Variants in DOCK10 observed in about 807,000 individuals in gnomAD.
DOCK10 encodes dedicator of cytokinesis 10.
Under a neutral mutation model 280.1 loss-of-function variants are expected in DOCK10, and 145 were observed. The observed-to-expected ratio is 0.52, with a 90% CI of 0.45 to 0.59. The LOEUF (loss-of-function observed/expected upper bound fraction) is 0.59, where lower values mean the gene tolerates loss of function less well. DOCK10 is among the 20% of genes least tolerant of loss of function. The probability of loss-of-function intolerance (pLI) is 0.00; values close to 1 mark genes in which losing one functional copy is unlikely to be tolerated. For missense variants in DOCK10, 2,368 were observed against 2,651.7 expected (o/e 0.89, Z 2.35); for synonymous variants, 915 against 942.2 (o/e 0.97, Z 0.53).
At chr2:224,929,011 C>T (rs924018296) in intron 2 of DOCK10, among the ~76,000 whole-genome samples, 4 of 152,216 alleles carry the variant, frequency 2.6e-5, no homozygotes, top group African/African-American at 9.7e-5. Flanking sequence ...TAGCCTGAAA[C>T]ATGCTTTCCC....
intron 39 of DOCK10, 147 bp from the exon 40 acceptor site, chr2:224,802,187 T>C: frequency 1.2e-6 from 1 of 852,466 alleles, no homozygotes. Context: ...TAATTATAGG[T>C]GACATGATGA....
intron 16 of DOCK10, 35 bp from the exon 17 acceptor site, chr2:224,853,157 A>AAAGAAC: frequency 6.6e-7 from 1 of 1,505,664 alleles, no homozygotes; most frequent in Non-Finnish European, 9.0e-7. Flanking sequence ...TTGTCATTTA[A>AAAGAAC]TATGGTTCTT....
chr2:224,896,497 T>C, intron 3 of DOCK10, 120 bp from the exon 4 acceptor site: 1 of 570,298 alleles, frequency 1.8e-6, no homozygotes, highest in Non-Finnish European at 2.9e-6. Flanking sequence ...TCACCTGAGA[T>C]CAGGAGTTCG....
At position 224,823,633 on chromosome 2, in the gene DOCK10, C is replaced by T; in HGVS notation, c.3051G>A (p.Gln1017=). Reference sequence around the variant, plus strand: ...CATTTTGGTAAGATTCAGGAAATCTCTGAGGCCGGGGAAGCTAAGGAAAGA... The same window carrying T: ...CATTTTGGTAAGATTCAGGAAATCTTTGAGGCCGGGGAAGCTAAGGAAAGA... ...DTNKIQLPRP[Q]RFPESYQNEL... Residue 1017 remains glutamine (Q), a synonymous_variant, in exon 28 of 56, where the codon CAG becomes CAA. Coordinates refer to ENST00000258390, the MANE Select transcript of DOCK10 (RefSeq NM_014689.3). The T allele has an allele frequency of 2.5e-6, 4 of 1,595,980 alleles. No individual in the cohort carries two copies. The highest frequency in any genetic ancestry group is 3.4e-6 in the Non-Finnish European group (4 of 1,173,954).
chr2:225,034,251 A>G (rs1047146298), intron 1 of DOCK10, among the ~76,000 whole-genome samples: 3 of 152,196 alleles, frequency 2.0e-5, no homozygotes, highest in Admixed American at 6.5e-5. Context: ...CTGTGGAGTC[A>G]GACTATGTGA....
chr2:224,876,672 G>A (rs988728353), intron 7 of DOCK10, among the ~76,000 whole-genome samples: 3 of 152,042 alleles, frequency 2.0e-5, no homozygotes, highest in African/African-American at 7.2e-5. Flanking sequence ...TTCTTTCTTC[G>A]TATCTTCCTT....
chr2:224,879,228 C>T (rs896237250), intron 7 of DOCK10, among the ~76,000 whole-genome samples: 13 of 152,088 alleles, frequency 8.5e-5, no homozygotes, highest in African/African-American at 2.2e-4. Context: ...AGCTTCCTTC[C>T]GAAGGCAAAT....
intron 3 of DOCK10, among the ~76,000 whole-genome samples, chr2:224,908,021 T>C (rs1164931710): frequency 6.6e-6 from 1 of 152,208 alleles, no homozygotes; most frequent in Non-Finnish European, 1.5e-5. Flanking sequence ...TTGATGGATA[T>C]TAGCTAATTA....
At chr2:225,006,756 G>A (rs1689275910) in intron 1 of DOCK10, among the ~76,000 whole-genome samples, 1 of 152,196 alleles carries the variant, frequency 6.6e-6, no homozygotes, top group African/African-American at 2.4e-5. Context: ...AAACATTGAT[G>A]GATATCAGAG....
chr2:225,011,287 A>G (rs1386456628), intron 1 of DOCK10, among the ~76,000 whole-genome samples: 5 of 152,202 alleles, frequency 3.3e-5, no homozygotes, highest in Non-Finnish European at 7.3e-5. Flanking sequence ...TACAAAGAAA[A>G]AATGAGATAG....
At chr2:224,851,089 C>T (rs1294142904) in intron 18 of DOCK10, among the ~76,000 whole-genome samples, 1 of 152,176 alleles carries the variant, frequency 6.6e-6, no homozygotes, top group Admixed American at 6.5e-5. Context: ...TCCACCACAG[C>T]ATGCTACTAT....
chr2:224,804,203 C>T lies in DOCK10; in HGVS notation c.4177G>A (p.Ala1393Thr). Residue 1393 changes from alanine (A) to threonine (T), a missense_variant, in exon 39 of 56, where the codon GCT becomes ACT. Ala to Thr is a moderately conservative substitution (Grantham distance 58). This residue lies in a region of DOCK10 where 1,159 missense variants were observed against 1,400.8 expected (regional missense o/e 0.83). Coordinates refer to ENST00000258390, the MANE Select transcript of DOCK10 (RefSeq NM_014689.3). ...GKRNIIRKIA[A>T]AFKFVQSTQN... ...GTGGACTGCACAAATTTAAATGCAG[C>T]AGCAATTTTTCTGCAATGAAAATGG... is the stretch of plus-strand genomic sequence containing the variant. 1.2e-6 allele frequency: 2 copies of T among 1,607,844 alleles called. No homozygotes were observed. Among genetic ancestry groups the T allele is most frequent in the Non-Finnish European group, 8.5e-7 (1 of 1,176,318 alleles).
intron 2 of DOCK10, among the ~76,000 whole-genome samples, chr2:224,923,775 T>C (rs1429348222): frequency 6.6e-6 from 1 of 152,252 alleles, no homozygotes; most frequent in Non-Finnish European, 1.5e-5. Context: ...TTTAGAAATC[T>C]CAGGTTTTGT....
At chr2:224,823,850 T>C (rs1694667806) in intron 27 of DOCK10, among the ~76,000 whole-genome samples, 1 of 152,226 alleles carries the variant, frequency 6.6e-6, no homozygotes, top group Non-Finnish European at 1.5e-5. Flanking sequence ...TCCTTCAATT[T>C]TGGTCAATAA....
intron 1 of DOCK10, among the ~76,000 whole-genome samples, chr2:225,020,811 G>A (rs566637527): frequency 4.5e-4 from 68 of 152,246 alleles, no homozygotes; most frequent in African/African-American, 1.6e-3. Flanking sequence ...GATTCCCAAG[G>A]ATGTTGGGTT....
intron 1 of DOCK10, among the ~76,000 whole-genome samples, chr2:225,013,562 T>C (rs1689503932): frequency 6.6e-6 from 1 of 152,082 alleles, no homozygotes; most frequent in African/African-American, 2.4e-5. Flanking sequence ...CCAACCAAAG[T>C]GAAGTGGAGA....
intron 2 of DOCK10, among the ~76,000 whole-genome samples, chr2:224,919,402 A>G (rs62647511): frequency 0.24 from 34,487 of 146,670 alleles, 4,333 homozygotes; most frequent in Non-Finnish European, 0.28. Flanking sequence ...TGTGTGGTAT[A>G]TGAATGTGTG....
intron 1 of DOCK10, among the ~76,000 whole-genome samples, chr2:224,975,191 G>A (rs1156842835): frequency 1.3e-5 from 2 of 152,142 alleles, no homozygotes; most frequent in Non-Finnish European, 2.9e-5. Flanking sequence ...GAAGATTTAT[G>A]TTGCTAATTA....
chr2:225,042,389 A>T lies in DOCK10; in HGVS notation c.-15T>A. ...TCACCGGCCATCGCCGGTCACGCCA[A>T]TCGCGCCGCGGGCCCGGGGCGCGCC... On this transcript the variant is annotated 5_prime_UTR_variant, in exon 1 of 56. The change creates a new upstream start codon in the 5' untranslated region. Transcript: ENST00000258390. This position sits in a 1 kb window ranked among gnomAD's most constrained non-coding sequence, Gnocchi z 5.1. 1 of 1,208,452 alleles carries T rather than the reference A, an allele frequency of 8.3e-7. No individual in the cohort carries two copies. 74.9% of individuals were successfully genotyped at this position (1,208,452 alleles called of 1,614,324 possible). A position where few individuals can be genotyped will look rare whatever the true frequency, so the allele number is the denominator to read the frequency against.
Sources: gnomAD v4.1 joint callset for allele counts (sites outside exome capture counted in the v4.1 genomes callset) on GRCh38, gnomAD v4.1.1 for gene constraint, gnomAD v4.1.1 regional missense constraint, Gnocchi (gnomAD v3.1) non-coding constraint, MANE v1.5 for transcripts, NCBI Gene and HGNC (gene_info 2026-07-23, HGNC 2026-07-21) for gene names.